Variants in ZNF609 observed in about 807,000 individuals in gnomAD.
ZNF609 encodes zinc finger protein 609.
Under a neutral mutation model 109.5 loss-of-function variants are expected in ZNF609, and 11 were observed. The ratio of observed to expected loss-of-function variants is 0.10; its 90% CI spans 0.06 to 0.17. The LOEUF is 0.17. Among genes scored for constraint, ZNF609 ranks in the 10% least tolerant of loss-of-function variants. The probability of loss-of-function intolerance (pLI) is 1.00; values close to 1 mark genes in which losing one functional copy is unlikely to be tolerated. For missense variants in ZNF609, 1,559 were observed against 1,772.4 expected (o/e 0.88, Z 2.16); for synonymous variants, 646 against 662.0 (o/e 0.98, Z 0.37).
intron 4 of ZNF609, among the ~76,000 whole-genome samples, chr15:64,671,827 C>T (rs1896735615): frequency 6.6e-6 from 1 of 152,056 alleles, no homozygotes. Context: ...GTATCTTAAA[C>T]CTTCATCTGC....
intron 2 of ZNF609, among the ~76,000 whole-genome samples, chr15:64,591,522 C>T (rs1895297094): frequency 6.6e-6 from 1 of 152,086 alleles, no homozygotes; most frequent in African/African-American, 2.4e-5. Context: ...TCAAAATGTG[C>T]ATACCCTTTT....
chr15:64,496,909 G>T (rs912747585), intron 1 of ZNF609, among the ~76,000 whole-genome samples: 1 of 152,070 alleles, frequency 6.6e-6, no homozygotes, highest in African/African-American at 2.4e-5. Flanking sequence ...GACCTCCCAG[G>T]CTCAAGCCAT....
At chr15:64,672,624 CAA>C (rs147395815) in intron 4 of ZNF609, among the ~76,000 whole-genome samples, 10 of 121,540 alleles carry the variant, frequency 8.2e-5, no homozygotes, top group South Asian at 2.6e-4. Flanking sequence ...CACTCCATCT[CAA>C]AAAAAAAAAA....
chr15:64,500,497 C>G, intron 2 of ZNF609: 1 of 621,522 alleles, frequency 1.6e-6, no homozygotes, highest in Non-Finnish European at 2.9e-6. Flanking sequence ...AGATTGGCAT[C>G]AGACCTTTAT....
At chr15:64,665,923 A>G (rs903221069) in intron 3 of ZNF609, among the ~76,000 whole-genome samples, 4 of 151,654 alleles carry the variant, frequency 2.6e-5, no homozygotes, top group African/African-American at 9.7e-5. Flanking sequence ...AAAAATTAAA[A>G]TTAAAAATTA....
At chr15:64,541,839 CAAAAAAAA>C (rs59597800) in intron 2 of ZNF609, among the ~76,000 whole-genome samples, 20 of 42,206 alleles carry the variant, frequency 4.7e-4, no homozygotes, top group East Asian at 2.6e-3. Flanking sequence ...GACTCCAACT[CAAAAAAAA>C]AAAAAAAAAA....
chr15:64,676,327 G>A (rs920603630), intron 5 of ZNF609, 71 bp downstream of exon 5: 8 of 1,446,234 alleles, frequency 5.5e-6, no homozygotes, highest in Non-Finnish European at 5.6e-6. Context: ...AATAAGGGCT[G>A]TCCTTATACA....
At chr15:64,602,988 G>T (rs1238418904) in intron 2 of ZNF609, among the ~76,000 whole-genome samples, 1 of 138,212 alleles carries the variant, frequency 7.2e-6, no homozygotes, top group Non-Finnish European at 1.5e-5. Context: ...CTTGTGATCT[G>T]CCCACCTTGG....
At chr15:64,540,812 G>A (rs1400656458) in intron 2 of ZNF609, among the ~76,000 whole-genome samples, 4 of 149,206 alleles carry the variant, frequency 2.7e-5, no homozygotes, top group African/African-American at 7.4e-5. Flanking sequence ...GGCGGATCAC[G>A]AGGTCAAGAG....
intron 3 of ZNF609, among the ~76,000 whole-genome samples, chr15:64,669,631 G>C (rs1896697432): frequency 6.6e-6 from 1 of 151,950 alleles, no homozygotes; most frequent in Admixed American, 6.6e-5. Context: ...GAATTTTGGA[G>C]TAAGGCTACA....
chr15:64,592,093 G>T (rs1224972979), intron 2 of ZNF609, among the ~76,000 whole-genome samples: 1 of 151,806 alleles, frequency 6.6e-6, no homozygotes, highest in African/African-American at 2.4e-5. Context: ...GGAGCTCTGG[G>T]GGTCAAGGCT....
chr15:64,599,196 T>G (rs3897081), intron 2 of ZNF609, among the ~76,000 whole-genome samples: 1 of 130,706 alleles, frequency 7.7e-6, no homozygotes, highest in Middle Eastern at 3.8e-3. Context: ...TTTTTTTTTT[T>G]GGTTTTTGAG....
chr15:64,640,834 G>A (rs1243157413), intron 3 of ZNF609, among the ~76,000 whole-genome samples: 2 of 152,230 alleles, frequency 1.3e-5, no homozygotes, highest in African/African-American at 4.8e-5. Flanking sequence ...ATTTAAGGGT[G>A]TGGTGAAACA....
intron 1 of ZNF609, among the ~76,000 whole-genome samples, chr15:64,483,797 G>C (rs1893292519): frequency 6.6e-6 from 1 of 152,152 alleles, no homozygotes; most frequent in Non-Finnish European, 1.5e-5. Context: ...TCAACCTCCA[G>C]AATAGCCAGG....
chr15:64,652,293 A>G (rs1896428911), intron 3 of ZNF609, among the ~76,000 whole-genome samples: 1 of 151,842 alleles, frequency 6.6e-6, no homozygotes, highest in African/African-American at 2.4e-5. Context: ...CAAAGTGCTC[A>G]GCTTACAGGC....
intron 2 of ZNF609, among the ~76,000 whole-genome samples, chr15:64,591,497 GT>G (rs1222472428): frequency 2.0e-5 from 3 of 151,878 alleles, no homozygotes; most frequent in African/African-American, 7.3e-5. Context: ...TATAAAAAAT[GT>G]TTTAAAAAAA....
intron 3 of ZNF609, among the ~76,000 whole-genome samples, chr15:64,627,123 G>A (rs993521982): frequency 6.6e-6 from 1 of 151,798 alleles, no homozygotes; most frequent in African/African-American, 2.4e-5. Flanking sequence ...CCAGGAAGTG[G>A]AGGTTGCAGT....
Position 64,577,137 on chromosome 15 carries a change from CA to C in ZNF609, c.748-45687del, listed in dbSNP as rs1372086393. Among the ~76,000 whole-genome samples the C allele has an allele frequency of 6.0e-3, 205 of 34,250 alleles. 8 individuals carry two copies. Among genetic ancestry groups the C allele is most frequent in the African/African-American group, 0.012 (197 of 16,718 alleles). 22.5% of individuals were successfully genotyped at this position (34,250 alleles called of 152,430 possible). On this transcript the variant is annotated intron_variant, in intron 2 of 9. Transcript: ENST00000326648. ...ATACATATATGTGTATATATACACA[CA>C]AATATATACATATGTGTATATATAC...
chr15:64,620,898 A>G (rs1465874125), intron 2 of ZNF609, among the ~76,000 whole-genome samples: 1 of 152,242 alleles, frequency 6.6e-6, no homozygotes, highest in African/African-American at 2.4e-5. Context: ...GAAATGGATT[A>G]TAGATAGAGT....
Sources: allele counts gnomAD v4.1 joint callset (sites outside exome capture counted in the v4.1 genomes callset), GRCh38; gene constraint gnomAD v4.1.1; transcripts MANE v1.5; gene names NCBI Gene and HGNC (gene_info 2026-07-23, HGNC 2026-07-21).